ASB10: variants seen among roughly 807,000 people sequenced by gnomAD.
ASB10 encodes the protein ankyrin repeat and SOCS box protein 10.
A neutral mutation model predicts 35.4 loss-of-function variants in ASB10; 44 were observed. That is an observed-to-expected ratio of 1.24 (90% CI 0.98 to 1.60). The LOEUF (loss-of-function observed/expected upper bound fraction) is 1.60. Ranked by LOEUF, ASB10 falls within the 40% of genes most tolerant of loss-of-function variation. ASB10 has a pLI of 0.00. For synonymous variants in ASB10, 294 were observed against 280.4 expected, an observed-to-expected ratio of 1.05 and a Z score of -0.49; for missense variants, 647 against 634.3, an observed-to-expected ratio of 1.02 and a Z score of -0.22.
chr7:151,175,892 C>T lies in ASB10; in HGVS notation c.*75G>A. The T allele has an allele frequency of 1.9e-6, 1 of 540,214 alleles. No individual in the cohort carries two copies. The highest frequency in any genetic ancestry group is 3.1e-6 in the Non-Finnish European group (1 of 320,346). The allele number at this position is 540,214 out of a possible 1,614,324, so 33.5% of individuals were successfully genotyped here. On this transcript the variant is annotated 3_prime_UTR_variant, in exon 6 of 6. Coordinates refer to ENST00000420175, the MANE Select transcript of ASB10 (RefSeq NM_001142459.2). ...CCTCCTGCTGCCAGGGCTACCTGGC[C>T]TGAGTTAGTGCAGAGGCGCGCCCTC...
At position 151,185,243 on chromosome 7, in the gene ASB10, C is replaced by G. The variant is rs565465548; in HGVS notation, c.584+1149G>C. On this transcript the variant is annotated intron_variant, in intron 2 of 5. Coordinates refer to ENST00000420175, the MANE Select transcript of ASB10 (RefSeq NM_001142459.2). ...AAGCAATTCTCCTGCCTCAGCCTCC[C>G]GAGTCGCTGGGATTACAGGCGCCTG... Among the ~76,000 whole-genome samples the G allele has an allele frequency of 1.5e-4, 22 of 151,264 alleles. No individual in the cohort carries two copies. The South Asian group carries it at 4.4e-3, about 30-fold the overall frequency.
At chr7:151,187,542 T>C (rs763232320), upstream of ASB10, 5 of 1,551,504 alleles carry the variant, frequency 3.2e-6, no homozygotes, top group Non-Finnish European at 4.4e-6. The surrounding 1 kb of genome is among the most constrained non-coding windows in gnomAD (Gnocchi z 5.3). Flanking sequence ...TCCTGCAACC[T>C]TGCCAGGTCC....
At chr7:151,177,614 C>CGGGGGGGGGGGGGGGGGG (rs1801412454) in intron 3 of ASB10, among the ~76,000 whole-genome samples, 1 of 120,554 alleles carries the variant, frequency 8.3e-6, no homozygotes, top group Non-Finnish European at 1.7e-5. Context: ...TGGGGTGGGG[C>CGGGGGGGGGGGGGGGGGG]TGGGTGGGGG....
Position 151,175,781 on chromosome 7 carries a change from C to G in ASB10, c.*186G>C. 1 of 346,338 alleles carries G rather than the reference C, an allele frequency of 2.9e-6. No homozygotes were observed. The highest frequency in any genetic ancestry group is 5.3e-6 in the Non-Finnish European group (1 of 188,930). 21.5% of individuals were successfully genotyped at this position (346,338 alleles called of 1,614,324 possible). A position where few individuals can be genotyped will look rare whatever the true frequency, so the allele number is the denominator to read the frequency against. ...CAGGAGAGCCCCAGTAGGAGTGTGT[C>G]TTCATCAGACATCACCCGGCTGCCG... On this transcript the variant is annotated 3_prime_UTR_variant, in exon 6 of 6. Transcript: ENST00000420175.
intron 2 of ASB10, among the ~76,000 whole-genome samples, chr7:151,185,339 G>A (rs572783689): frequency 3.3e-5 from 5 of 151,914 alleles, no homozygotes; most frequent in South Asian, 2.1e-4. Flanking sequence ...GGCTGGTCTC[G>A]AACTCCTGGC....
chr7:151,179,667 C>T (rs1197172175), intron 3 of ASB10, among the ~76,000 whole-genome samples: 1 of 152,212 alleles, frequency 6.6e-6, no homozygotes, highest in East Asian at 1.9e-4. Context: ...GGCAGGGCTG[C>T]AGATCATGGA....
chr7:151,186,587 TC>T lies in ASB10; in HGVS notation c.388del (p.Glu130LysfsTer7). On this transcript the variant is annotated frameshift_variant, in exon 2 of 6. Transcript: ENST00000420175. LOFTEE classifies it high-confidence loss of function. ...CCGCCTCAGCAGCAGCCGCAGGACTTCCGTGTGGCCACGGCTGGCTGCCACA... is the reference window on the plus strand; with the variant it reads ...CCGCCTCAGCAGCAGCCGCAGGACTTCGTGTGGCCACGGCTGGCTGCCACA... ...LHVAASRGHT[E>X]VLRLLLRRRA... is the part of the protein sequence containing the mutation. 4 of 1,609,534 alleles carry T rather than the reference TC, an allele frequency of 2.5e-6. No homozygotes were observed. Among genetic ancestry groups the T allele is most frequent in the African/African-American group, 1.3e-5 (1 of 75,004 alleles).
intron 2 of ASB10, among the ~76,000 whole-genome samples, chr7:151,182,415 T>A (rs1801512235): frequency 6.6e-6 from 1 of 152,036 alleles, no homozygotes. Context: ...CCGTCTCTAC[T>A]AAAGATACAA....
rs1046021736 is a variant in ASB10, at chr7:151,176,248, C to T, written c.1268G>A (p.Arg423Lys). The T allele has an allele frequency of 5.0e-6, 8 of 1,588,118 alleles. No homozygotes were observed. The highest frequency in any genetic ancestry group is 3.6e-4 in the Middle Eastern group (2 of 5,524). ...SSLFALVRQPRSLQHLSRCAL... is the reference protein window; with the variant it reads ...SSLFALVRQPKSLQHLSRCAL... Reference sequence around the variant, plus strand: ...ACAGCGGCTCAAATGCTGCAGCGACCTGGGCTGCCTCACCAAGGCGAAGAG... The same window carrying T: ...ACAGCGGCTCAAATGCTGCAGCGACTTGGGCTGCCTCACCAAGGCGAAGAG... Residue 423 changes from arginine to lysine, a missense_variant, in exon 5 of 6, where the codon AGG (arginine) becomes AAG (lysine). By Grantham distance (26) the Arg-to-Lys change is conservative (BLOSUM62 2). Transcript: ENST00000420175.
intron 4 of ASB10, 98 bp from the exon 5 acceptor site, chr7:151,176,395 G>C (rs567980404): frequency 1.4e-5 from 20 of 1,473,008 alleles, no homozygotes; most frequent in South Asian, 8.5e-5. Flanking sequence ...GGCATCTACC[G>C]GAAGGAACCT....
chr7:151,187,303 C>T, upstream of ASB10: 1 of 1,507,686 alleles, frequency 6.6e-7, no homozygotes, highest in Non-Finnish European at 8.9e-7. The surrounding 1 kb of genome is among the most constrained non-coding windows in gnomAD (Gnocchi z 5.3). Context: ...TGACTGTGTT[C>T]TTGGGCCAAG....
At chr7:151,183,744 T>A (rs1213633945) in intron 2 of ASB10, among the ~76,000 whole-genome samples, 1 of 152,000 alleles carries the variant, frequency 6.6e-6, no homozygotes. Flanking sequence ...CGCCACCATG[T>A]CCAGCTAATT....
chr7:151,186,821 C>A lies in ASB10; in HGVS notation c.310G>T (p.Ala104Ser). Residue 104 changes from alanine (A) to serine (S), a missense_variant, in exon 1 of 6, where the codon GCT becomes TCT. Coordinates refer to ENST00000420175, the MANE Select transcript of ASB10 (RefSeq NM_001142459.2). ...CCAGTGCCCCGGCCCGTACTCAGAG[C>A]ACGGATGTTGAAGCGGAAATCCCTC... Reference protein sequence around the residue: ...RWRDFRFNIRALRLWSLTYEE... With the variant: ...RWRDFRFNIRSLRLWSLTYEE... The A allele has an allele frequency of 1.9e-6, 3 of 1,595,522 alleles. No individual in the cohort carries two copies. The South Asian group carries it at 3.4e-5, about 18-fold the overall frequency.
chr7:151,176,073 C>A, intron 5 of ASB10, 39 bp downstream of exon 5: 1 of 1,600,060 alleles, frequency 6.2e-7, no homozygotes, highest in Non-Finnish European at 8.5e-7. Flanking sequence ...ATCCCTGGAC[C>A]CCAAGCAGCT....
rs199709285 is a variant in ASB10, at chr7:151,186,564, G to A, written c.412C>T (p.Arg138Trp). 36 of 1,605,462 alleles carry A rather than the reference G, an allele frequency of 2.2e-5. No individual in the cohort carries two copies. Among genetic ancestry groups the A allele is most frequent in the African/African-American group, 6.7e-5 (5 of 74,932 alleles). ...HTEVLRLLLR[R>W]RARPDSAPGG... ...GGGGCACTGTCTGGCCTTGCTCGCC[G>A]CCTCAGCAGCAGCCGCAGGACTTCC... Residue 138 changes from arginine (R) to tryptophan (W), a missense_variant, in exon 2 of 6, where the codon CGG becomes TGG. Arg to Trp is a moderately radical substitution (Grantham distance 101). Coordinates refer to ENST00000420175, the MANE Select transcript of ASB10 (RefSeq NM_001142459.2).
intron 2 of ASB10, among the ~76,000 whole-genome samples, chr7:151,183,976 A>G (rs1300931089): frequency 4.6e-5 from 7 of 152,216 alleles, no homozygotes; most frequent in African/African-American, 1.7e-4. Context: ...CTTCAAAGAT[A>G]TTTGTACCCA....
chr7:151,187,293 T>C (rs1261141771), upstream of ASB10: 3 of 1,508,460 alleles, frequency 2.0e-6, no homozygotes, highest in Admixed American at 4.1e-5. The surrounding 1 kb of genome is among the most constrained non-coding windows in gnomAD (Gnocchi z 5.3). Flanking sequence ...GGGCTCCACA[T>C]GACTGTGTTC....
intron 3 of ASB10, among the ~76,000 whole-genome samples, chr7:151,177,963 A>T (rs1235554180): frequency 6.6e-6 from 1 of 152,206 alleles, no homozygotes; most frequent in Non-Finnish European, 1.5e-5. Flanking sequence ...AAAAATAAGA[A>T]GGAGCCGGGC....
chr7:151,181,519 T>G (rs1801494225), intron 2 of ASB10, 61 bp from the exon 3 acceptor site: 29 of 1,499,976 alleles, frequency 1.9e-5, no homozygotes, highest in Non-Finnish European at 2.4e-5. Flanking sequence ...AGGAACACAC[T>G]TGGGTGGCTC....
Sources: allele counts gnomAD v4.1 joint callset (sites outside exome capture counted in the v4.1 genomes callset), GRCh38; gene constraint gnomAD v4.1.1; non-coding constraint Gnocchi (gnomAD v3.1); transcripts MANE v1.5; gene names NCBI Gene and HGNC (gene_info 2026-07-23, HGNC 2026-07-21).